The following ATXN2 variants were observed in gnomAD, a reference collection of about 807,000 sequenced individuals.
The protein encoded by ATXN2 is ataxin 2.
In ATXN2, 37 loss-of-function variants were observed where a neutral mutation model predicts 138.6. The ratio of observed to expected loss-of-function variants is 0.27; its 90% CI spans 0.21 to 0.35. ATXN2 has a LOEUF of 0.35. Among genes scored for constraint, ATXN2 ranks in the 10% least tolerant of loss-of-function variants. The pLI is 1.00. For synonymous variants in ATXN2, 549 were observed against 543.7 expected (o/e 1.01, Z -0.13); for missense variants, 1,216 against 1,480.3 (o/e 0.82, Z 2.93).
chr12:111,459,055 A>C (rs938953833), intron 21 of ATXN2, among the ~76,000 whole-genome samples: 1 of 152,242 alleles, frequency 6.6e-6, no homozygotes, highest in Non-Finnish European at 1.5e-5. Flanking sequence ...TATCCAGTTT[A>C]GACTGGATAC....
At chr12:111,588,038 C>A (rs1884432545) in intron 1 of ATXN2, among the ~76,000 whole-genome samples, 1 of 151,788 alleles carries the variant, frequency 6.6e-6, no homozygotes, top group Non-Finnish European at 1.5e-5. Context: ...TACAAAAAAA[C>A]TAGGCAGGCA....
chr12:111,559,883 A>G (rs1456605039), intron 1 of ATXN2, among the ~76,000 whole-genome samples: 1 of 152,146 alleles, frequency 6.6e-6, no homozygotes, highest in Admixed American at 6.6e-5. Flanking sequence ...AAAACTCACA[A>G]TCTCTTCCCA....
intron 1 of ATXN2, among the ~76,000 whole-genome samples, chr12:111,587,935 G>A (rs1448381351): frequency 2.0e-5 from 3 of 152,032 alleles, no homozygotes; most frequent in African/African-American, 7.2e-5. Context: ...GCTCACACCT[G>A]TAACACCAGC....
intron 21 of ATXN2, among the ~76,000 whole-genome samples, chr12:111,464,305 A>G (rs1875821115): frequency 6.9e-6 from 1 of 145,470 alleles, no homozygotes; most frequent in South Asian, 2.2e-4. Context: ...TTTTAAATTT[A>G]TACCAAGCTT....
intron 14 of ATXN2, among the ~76,000 whole-genome samples, chr12:111,498,393 A>C (rs1282579719): frequency 1.3e-5 from 2 of 152,232 alleles, no homozygotes; most frequent in Non-Finnish European, 2.9e-5. Flanking sequence ...TACAAAAATC[A>C]ACACACAAAA....
chr12:111,598,504 A>G lies in ATXN2; in HGVS notation c.251+280T>C. 3 of 981,348 alleles carry G rather than the reference A, an allele frequency of 3.1e-6. No homozygotes were observed. Among genetic ancestry groups the G allele is most frequent in the Non-Finnish European group, 3.6e-6 (3 of 828,394 alleles). 60.8% of individuals were successfully genotyped at this position (981,348 alleles called of 1,614,324 possible). A position where few individuals can be genotyped will look rare whatever the true frequency, so the allele number is the denominator to read the frequency against. ...CCGCTACCCGAGAACCCCTCCCAACACGCGTGGGGAGGGGAGGCCGCCCGC... is the reference window on the plus strand; with the variant it reads ...CCGCTACCCGAGAACCCCTCCCAACGCGCGTGGGGAGGGGAGGCCGCCCGC... On this transcript the variant is annotated intron_variant, in intron 1 of 24. Transcript: ENST00000673436. This position sits in a 1 kb window ranked among gnomAD's most constrained non-coding sequence, Gnocchi z 4.5.
intron 14 of ATXN2, among the ~76,000 whole-genome samples, chr12:111,508,441 C>CTTTTTTTTTTTTTTT (rs66643315): frequency 2.3e-5 from 2 of 85,656 alleles, no homozygotes; most frequent in Admixed American, 1.5e-4. Flanking sequence ...AATTGAAAAA[C>CTTTTTTTTTTTTTTT]TTTTTTTTTT....
At chr12:111,490,809 G>A (rs528452179) in intron 14 of ATXN2, among the ~76,000 whole-genome samples, 2 of 152,122 alleles carry the variant, frequency 1.3e-5, no homozygotes, top group African/African-American at 4.8e-5. Flanking sequence ...GTGCTCGGGG[G>A]AGAGAGAGAG....
At chr12:111,501,694 A>G (rs1878774639) in intron 14 of ATXN2, among the ~76,000 whole-genome samples, 1 of 152,230 alleles carries the variant, frequency 6.6e-6, no homozygotes, top group Admixed American at 6.5e-5. Context: ...ACGATGTAGG[A>G]ACTTACTACT....
intron 1 of ATXN2, among the ~76,000 whole-genome samples, chr12:111,559,905 T>C (rs1206709661): frequency 6.6e-6 from 1 of 152,112 alleles, no homozygotes; most frequent in Non-Finnish European, 1.5e-5. Flanking sequence ...AGAAATTTCA[T>C]TTGCAACAAG....
chr12:111,566,191 G>C (rs573941367), intron 1 of ATXN2, among the ~76,000 whole-genome samples: 2 of 152,006 alleles, frequency 1.3e-5, no homozygotes, highest in Non-Finnish European at 2.9e-5. Flanking sequence ...TCAACACTTC[G>C]GAAGGCCGAG....
intron 1 of ATXN2, among the ~76,000 whole-genome samples, chr12:111,562,156 A>G: frequency 6.6e-6 from 1 of 151,828 alleles, no homozygotes; most frequent in East Asian, 1.9e-4. Flanking sequence ...TGCACTTGCC[A>G]GGTACAATGG....
intron 14 of ATXN2, among the ~76,000 whole-genome samples, chr12:111,500,469 G>A (rs544716376): frequency 2.0e-5 from 3 of 152,172 alleles, no homozygotes; most frequent in African/African-American, 7.2e-5. Context: ...AAGGGTAATG[G>A]GGAGAAGAAG....
intron 5 of ATXN2, among the ~76,000 whole-genome samples, chr12:111,525,842 G>A (rs974496252): frequency 7.2e-5 from 11 of 151,734 alleles, no homozygotes; most frequent in East Asian, 1.9e-4. Flanking sequence ...GTACCACCAC[G>A]CCCGGATAAT....
At chr12:111,569,467 A>G (rs1444571334) in intron 1 of ATXN2, among the ~76,000 whole-genome samples, 2 of 152,178 alleles carry the variant, frequency 1.3e-5, no homozygotes, top group East Asian at 1.9e-4. Context: ...AGTGGCCCAC[A>G]CCTGCAATCC....
Position 111,538,655 on chromosome 12 carries a change from T to C in ATXN2, c.572-13339A>G, listed in dbSNP as rs749357531. ...GGAATGAGCCACTGTACCCAGCCAG[T>C]AATTTTATGTTTTTAAAGCAATTTT... On this transcript the variant is annotated intron_variant, in intron 5 of 24. Transcript: ENST00000673436. 2.0e-5 allele frequency among the ~76,000 whole-genome samples: 3 copies of C among 150,340 alleles called. No individual in the cohort carries two copies. The Admixed American group carries it at 2.0e-4, about 10-fold the overall frequency.
intron 5 of ATXN2, among the ~76,000 whole-genome samples, chr12:111,531,548 C>T (rs1880834330): frequency 1.3e-5 from 2 of 152,148 alleles, no homozygotes; most frequent in African/African-American, 4.8e-5. Context: ...TCATTGAATA[C>T]TCATCTGTTC....
At chr12:111,517,226 G>GT (rs1879906907) in intron 9 of ATXN2, among the ~76,000 whole-genome samples, 1 of 152,074 alleles carries the variant, frequency 6.6e-6, no homozygotes, top group Non-Finnish European at 1.5e-5. Flanking sequence ...TCTCCATAGG[G>GT]TTCCACACAC....
At chr12:111,586,278 G>C (rs981144756) in intron 1 of ATXN2, among the ~76,000 whole-genome samples, 1 of 150,872 alleles carries the variant, frequency 6.6e-6, no homozygotes, top group Non-Finnish European at 1.5e-5. Flanking sequence ...CTGGGGCACA[G>C]TGGCACAATC....
Sources: gnomAD v4.1 joint callset for allele counts (sites outside exome capture counted in the v4.1 genomes callset) on GRCh38, gnomAD v4.1.1 for gene constraint, Gnocchi (gnomAD v3.1) non-coding constraint, MANE v1.5 for transcripts, NCBI Gene and HGNC (gene_info 2026-07-23, HGNC 2026-07-21) for gene names.